ZNF395: variants seen among roughly 807,000 people sequenced by gnomAD.
ZNF395 encodes HD gene regulatory region-binding protein 2.
Under a neutral mutation model 57.7 loss-of-function variants are expected in ZNF395, and 20 were observed. The ratio of observed to expected loss-of-function variants is 0.35; its 90% confidence interval spans 0.24 to 0.50. The LOEUF (loss-of-function observed/expected upper bound fraction) is 0.50, where lower values mean the gene tolerates loss of function less well. ZNF395 is among the 20% of genes least tolerant of loss of function. The pLI is 0.97. For synonymous variants in ZNF395, 295 were observed against 275.9 expected, an observed-to-expected ratio of 1.07 and a Z score of -0.69; for missense variants, 606 against 671.2, an observed-to-expected ratio of 0.90 and a Z score of 1.07.
intron 1 of ZNF395, among the ~76,000 whole-genome samples, chr8:28,382,983 G>A (rs1470960361): frequency 6.6e-6 from 1 of 152,146 alleles, no homozygotes; most frequent in African/African-American, 2.4e-5. Flanking sequence ...ACTAGGTCAC[G>A]ATGTAAATTT....
In ZNF395 at chr8:28,359,807, C is replaced by G; in HGVS notation, c.258G>C (p.Gly86=). The change falls in exon 3 of 10, where the codon GGG becomes GGC. Residue 86 remains glycine (G), a synonymous_variant. Coordinates refer to ENST00000344423, the MANE Select transcript of ZNF395 (RefSeq NM_018660.3). The surrounding 1 kb of genome is among the most constrained non-coding windows in gnomAD (Gnocchi z 4.7). ...QPGQKVYVWY[G]GQECTGLVEQ... ...CCACCAGTCCTGTGCACTCTTGACC[C>G]CCGTACCACACATAAACCTGTGGGA... The G allele has an allele frequency of 6.2e-7, 1 of 1,613,924 alleles. No homozygotes were observed. Among genetic ancestry groups the G allele is most frequent in the Non-Finnish European group, 8.5e-7 (1 of 1,179,978 alleles).
At position 28,348,718 on chromosome 8, in the gene ZNF395, C is replaced by T; in HGVS notation, c.*1G>A. The T allele has an allele frequency of 6.2e-7, 1 of 1,613,872 alleles. No homozygotes were observed. Among genetic ancestry groups the T allele is most frequent in the Non-Finnish European group, 8.5e-7 (1 of 1,179,878 alleles). The stretch of plus-strand genomic sequence containing the variant: ...GAACAGAGTAGAACCTGCAGCACAG[C>T]TCAGTCCAGAAAGCGCTGGCAGGCC... On this transcript the variant is annotated 3_prime_UTR_variant, in exon 10 of 10. Transcript: ENST00000344423.
intron 1 of ZNF395, among the ~76,000 whole-genome samples, chr8:28,362,548 T>G (rs1490358355): frequency 6.6e-6 from 1 of 152,044 alleles, no homozygotes; most frequent in Non-Finnish European, 1.5e-5. Context: ...CACTCAGGTG[T>G]GCCCCTCCCA....
Position 28,351,696 on chromosome 8 carries a change from T to C in ZNF395, c.1032A>G (p.Pro344=), listed in dbSNP as rs370881763. ...AAAAAAAAGT[P]VPGTPTSEPA... is the part of the protein sequence containing the mutation. Reference sequence around the variant, plus strand: ...GCTCGGAGGTGGGAGTCCCAGGGACTGGGGTGCCTGCGGCAGCAGCAGCAG... The same window carrying C: ...GCTCGGAGGTGGGAGTCCCAGGGACCGGGGTGCCTGCGGCAGCAGCAGCAG... The change falls in exon 7 of 10, where the codon CCA becomes CCG. Residue 344 remains proline, a synonymous_variant. Coordinates refer to ENST00000344423, the MANE Select transcript of ZNF395 (RefSeq NM_018660.3). The C allele has an allele frequency of 1.2e-6, 2 of 1,611,436 alleles. No homozygotes were observed. Among genetic ancestry groups the C allele is most frequent in the South Asian group, 1.1e-5 (1 of 91,074 alleles).
rs757654362 is a variant in ZNF395 at position 28,353,277 on chromosome 8, G to A, written c.715C>T (p.Pro239Ser). The A allele has an allele frequency of 1.9e-6, 3 of 1,612,460 alleles. No homozygotes were observed. Among genetic ancestry groups the A allele is most frequent in the African/African-American group, 2.7e-5 (2 of 74,966 alleles). ...TPSPPHPQAS[P>S]KYLGDAFGSP... The stretch of plus-strand genomic sequence containing the variant: ...CCAAAAGCATCCCCCAAATACTTGG[G>A]GCTGGCCTGGGGGTGGGGGGGCGAG... Residue 239 changes from proline (P) to serine (S), a missense_variant, in exon 5 of 10, where the codon CCC (proline) becomes TCC (serine). Transcript: ENST00000344423.
At chr8:28,353,093 C>T in intron 5 of ZNF395, 80 bp downstream of exon 5, 2 of 1,393,212 alleles carry the variant, frequency 1.4e-6, no homozygotes, top group South Asian at 2.4e-5. Flanking sequence ...TGCAGGGTCC[C>T]CTGCTCTCCA....
rs1484518861 is a variant in ZNF395, at chr8:28,360,935, C to A, written c.190G>T (p.Ala64Ser). 9 of 1,613,982 alleles carry A rather than the reference C, an allele frequency of 5.6e-6. No individual in the cohort carries two copies. The highest frequency in any genetic ancestry group is 7.6e-6 in the Non-Finnish European group (9 of 1,179,982). The change falls in exon 2 of 10, where the codon GCT becomes TCT. Residue 64 changes from alanine to serine, a missense_variant. This residue lies in a region of ZNF395 where 309 missense variants were observed against 374.7 expected (regional missense o/e 0.82). Transcript: ENST00000344423. ...TGCTGAAGGCCCGAGGTGCTGGGAGCCTTAAGGACTTCCTTGGGCTGCTCC... is the reference window on the plus strand; with the variant it reads ...TGCTGAAGGCCCGAGGTGCTGGGAGACTTAAGGACTTCCTTGGGCTGCTCC... ...CQEQPKEVLK[A>S]PSTSGLQQVA... is the part of the protein sequence containing the mutation.
intron 1 of ZNF395, among the ~76,000 whole-genome samples, chr8:28,377,748 CTTTTTTTTTTT>C (rs71549661): frequency 4.2e-4 from 42 of 100,634 alleles, no homozygotes; most frequent in Non-Finnish European, 6.1e-4. Flanking sequence ...GATGATCCCA[CTTTTTTTTTTT>C]TTTTTTTTTT....
chr8:28,364,795 T>G (rs900524987), intron 1 of ZNF395, among the ~76,000 whole-genome samples: 2 of 152,044 alleles, frequency 1.3e-5, no homozygotes, highest in Non-Finnish European at 2.9e-5. Flanking sequence ...TAGCTCCTGA[T>G]CTAAAAGTCT....
chr8:28,353,116 C>T, intron 5 of ZNF395, 57 bp downstream of exon 5: 1 of 1,561,794 alleles, frequency 6.4e-7, no homozygotes, highest in African/African-American at 1.4e-5. Flanking sequence ...GCTGGCTGTC[C>T]CCACACAGAC....
At chr8:28,385,559 C>T (rs1006322429) in intron 1 of ZNF395, among the ~76,000 whole-genome samples, 2 of 150,436 alleles carry the variant, frequency 1.3e-5, no homozygotes, top group African/African-American at 4.9e-5. Flanking sequence ...AGGGTGTGTC[C>T]CTCTGTCCCG....
At chr8:28,379,405 G>C (rs183588056) in intron 1 of ZNF395, among the ~76,000 whole-genome samples, 65 of 152,202 alleles carry the variant, frequency 4.3e-4, no homozygotes, top group African/African-American at 1.5e-3. Flanking sequence ...TGGCCCATGT[G>C]CGTAGACCCA....
In ZNF395 at chr8:28,351,689, C is replaced by T; in HGVS notation, c.1039G>A (p.Gly347Arg). Reference sequence around the variant, plus strand: ...GGAGCTGGCTCGGAGGTGGGAGTCCCAGGGACTGGGGTGCCTGCGGCAGCA... The same window carrying T: ...GGAGCTGGCTCGGAGGTGGGAGTCCTAGGGACTGGGGTGCCTGCGGCAGCA... ...AAAAAGTPVP[G>R]TPTSEPAPTP... The change falls in exon 7 of 10, where the codon GGG becomes AGG. Residue 347 changes from glycine to arginine, a missense_variant. Coordinates refer to ENST00000344423, the MANE Select transcript of ZNF395 (RefSeq NM_018660.3). The T allele has an allele frequency of 6.2e-7, 1 of 1,611,976 alleles. No individual in the cohort carries two copies. The highest frequency in any genetic ancestry group is 8.5e-7 in the Non-Finnish European group (1 of 1,179,940).
chr8:28,381,283 C>T (rs1376939100), intron 1 of ZNF395, among the ~76,000 whole-genome samples: 2 of 152,126 alleles, frequency 1.3e-5, no homozygotes, highest in Non-Finnish European at 2.9e-5. Context: ...CCTCGTGATC[C>T]GCCCGCCTCA....
At chr8:28,369,137 A>ATTTTTTTTTTTTT (rs571228550) in intron 1 of ZNF395, among the ~76,000 whole-genome samples, 1 of 136,738 alleles carries the variant, frequency 7.3e-6, no homozygotes, top group Non-Finnish European at 1.6e-5. Flanking sequence ...TGCCTGGCCA[A>ATTTTTTTTTTTTT]TTTTTTTTTT....
At chr8:28,367,265 C>A (rs1376990614) in intron 1 of ZNF395, among the ~76,000 whole-genome samples, 1 of 152,160 alleles carries the variant, frequency 6.6e-6, no homozygotes, top group Non-Finnish European at 1.5e-5. Context: ...CCATTCAGGG[C>A]TGGTATTTTC....
Position 28,349,242 on chromosome 8 carries a change from G to A in ZNF395, c.1327-14C>T, listed in dbSNP as rs746319601. 28 of 1,520,862 alleles carry A rather than the reference G, an allele frequency of 1.8e-5. No individual in the cohort carries two copies. The highest frequency in any genetic ancestry group is 2.3e-5 in the Non-Finnish European group (26 of 1,135,216). 94.2% of individuals were successfully genotyped at this position (1,520,862 alleles called of 1,614,324 possible). ...CCGGCTCCGGACCTGGGCGTGGGGA[G>A]AGGGGCTGTGAGCACAGGGACATTC... On this transcript the variant is annotated splice_polypyrimidine_tract_variant and intron_variant, in intron 8 of 9. Transcript: ENST00000344423.
chr8:28,376,857 ATT>A (rs1220019356), intron 1 of ZNF395, among the ~76,000 whole-genome samples: 3 of 152,226 alleles, frequency 2.0e-5, no homozygotes, highest in Non-Finnish European at 4.4e-5. Context: ...TAAAACTGCC[ATT>A]TGTTAAGTCA....
At chr8:28,381,182 C>T (rs1403379149) in intron 1 of ZNF395, among the ~76,000 whole-genome samples, 1 of 152,166 alleles carries the variant, frequency 6.6e-6, no homozygotes, top group Non-Finnish European at 1.5e-5. Context: ...GCTTGGACTA[C>T]AGGCGCCCAC....
Sources: allele counts gnomAD v4.1 joint callset (sites outside exome capture counted in the v4.1 genomes callset), GRCh38; gene constraint gnomAD v4.1.1; regional missense constraint gnomAD v4.1.1; non-coding constraint Gnocchi (gnomAD v3.1); transcripts MANE v1.5; gene names NCBI Gene and HGNC (gene_info 2026-07-23, HGNC 2026-07-21).